Variants in TRIML1 observed in about 807,000 individuals in gnomAD.
TRIML1 encodes probable E3 ubiquitin-protein ligase TRIML1.
In TRIML1, 34 loss-of-function variants were observed where a neutral mutation model predicts 32.3. The ratio of observed to expected loss-of-function variants is 1.05; its 90% CI spans 0.80 to 1.40. The LOEUF (loss-of-function observed/expected upper bound fraction) is 1.40, where lower values mean the gene tolerates loss of function less well. Among genes scored for constraint, TRIML1 ranks in the 40% most tolerant of loss-of-function variants. The probability of loss-of-function intolerance (pLI) is 0.00; values close to 1 mark genes in which losing one functional copy is unlikely to be tolerated. For missense variants in TRIML1, 595 were observed against 574.9 expected (o/e 1.03, Z -0.36); for synonymous variants, 244 against 226.6 (o/e 1.08, Z -0.69).
chr4:188,144,508 G>T (rs533750670), intron 5 of TRIML1, among the ~76,000 whole-genome samples: 9 of 143,610 alleles, frequency 6.3e-5, no homozygotes, highest in East Asian at 2.1e-4. Flanking sequence ...GACTACAGGC[G>T]CCCGCCACCA....
At chr4:188,141,539 T>C (rs1459839255) in intron 2 of TRIML1, among the ~76,000 whole-genome samples, 2 of 152,200 alleles carry the variant, frequency 1.3e-5, no homozygotes, top group African/African-American at 2.4e-5. Flanking sequence ...TGACACCTAC[T>C]TTCATTGAAT....
In TRIML1 at chr4:188,147,044, ACT is replaced by A. The variant is rs760145746; in HGVS notation, c.1082_1083del (p.Ser361CysfsTer25). On this transcript the variant is annotated frameshift_variant, in exon 6 of 6. Coordinates refer to ENST00000332517, the MANE Select transcript of TRIML1 (RefSeq NM_178556.5). LOFTEE classifies it low-confidence loss of function (END_TRUNC). ...GAGTGGGAAGTGGGCATCTGCAAGGACTCTGTGAGCAGAAAGGGGAATCTCCC... is the reference window on the plus strand; with the variant it reads ...GAGTGGGAAGTGGGCATCTGCAAGGACTGTGAGCAGAAAGGGGAATCTCCC... The A allele has an allele frequency of 2.5e-6, 4 of 1,612,084 alleles. No individual in the cohort carries two copies. Among genetic ancestry groups the A allele is most frequent in the South Asian group, 1.1e-5 (1 of 90,864 alleles).
chr4:188,141,982 C>T (rs1366434437), intron 2 of TRIML1, among the ~76,000 whole-genome samples: 1 of 151,812 alleles, frequency 6.6e-6, no homozygotes, highest in East Asian at 1.9e-4. Flanking sequence ...CGTGGTGGCA[C>T]ACTCCTAGAC....
chr4:188,148,328 T>A (rs1735160404), downstream of TRIML1, among the ~76,000 whole-genome samples: 1 of 150,256 alleles, frequency 6.7e-6, no homozygotes, highest in Admixed American at 6.6e-5. Flanking sequence ...ACCCCTTCTC[T>A]ACTAAAAATA....
rs779363974 is a variant in TRIML1, at chr4:188,139,880, G to A, written c.322G>A (p.Asp108Asn). 1.9e-6 allele frequency: 3 copies of A among 1,613,866 alleles called. No homozygotes were observed. The highest frequency in any genetic ancestry group is 1.3e-5 in the African/African-American group (1 of 75,046). The change falls in exon 1 of 6, where the codon GAC (aspartate) becomes AAC (asparagine). Residue 108 changes from aspartate (D) to asparagine (N), a missense_variant. By Grantham distance (23) the Asp-to-Asn change is conservative. Transcript: ENST00000332517. Reference protein sequence around the residue: ...MPTTAKALSDDEQGGSAFVAQ... With the variant: ...MPTTAKALSDNEQGGSAFVAQ... Reference sequence around the variant, plus strand: ...CACCACTGCCAAGGCGCTCTCCGATGACGAGCAGGGTGGAAGCGCCTTCGT... The same window carrying A: ...CACCACTGCCAAGGCGCTCTCCGATAACGAGCAGGGTGGAAGCGCCTTCGT...
intron 5 of TRIML1, 71 bp from the exon 6 acceptor site, chr4:188,146,751 T>G (rs1212385953): frequency 5.9e-6 from 7 of 1,196,340 alleles, no homozygotes; most frequent in Admixed American, 3.0e-5. Flanking sequence ...AAGAATTCAA[T>G]GGAAATCTCA....
upstream of TRIML1, among the ~76,000 whole-genome samples, chr4:188,138,885 A>G (rs1734745759): frequency 6.6e-6 from 1 of 152,076 alleles, no homozygotes; most frequent in South Asian, 2.1e-4. Flanking sequence ...CTGGCAATTC[A>G]TCGTGCGCCT....
In TRIML1 at chr4:188,145,457, AAAAAAAAAAAAAAAAAAAAG is replaced by A. The variant is rs1343124625; in HGVS notation, c.856+1325_856+1344del. 3.4e-3 allele frequency among the ~76,000 whole-genome samples: 234 copies of A among 68,378 alleles called. 7 individuals carry two copies. Among genetic ancestry groups the A allele is most frequent in the Admixed American group, 8.0e-3 (34 of 4,236 alleles). 44.9% of individuals were successfully genotyped at this position (68,378 alleles called of 152,430 possible). ...ACTCCGTCTCAAAAAAAAAAAAAAA[AAAAAAAAAAAAAAAAAAAAG>A]TCAGAAATGGAATGACTGGGGTACC... is the stretch of plus-strand genomic sequence containing the variant. On this transcript the variant is annotated intron_variant, in intron 5 of 5. Transcript: ENST00000332517.
In TRIML1 at chr4:188,143,860, G is replaced by T. The variant is rs1378051472; in HGVS notation, c.758G>T (p.Arg253Met). ...SLEEVRGALE[R>M]SEPLLLQCPE... The stretch of plus-strand genomic sequence containing the variant: ...TAGGAAGTGAGAGGAGCCCTGGAAA[G>T]GTAGGCTTTCATTCTGTGTTCAGTT... The change falls in exon 4 of 6, where the codon AGG becomes ATG. Residue 253 changes from arginine to methionine, a missense_variant and splice_region_variant. By Grantham distance (91) the Arg-to-Met change is moderately conservative. Coordinates refer to ENST00000332517, the MANE Select transcript of TRIML1 (RefSeq NM_178556.5). 22 of 1,614,074 alleles carry T rather than the reference G, an allele frequency of 1.4e-5. No individual in the cohort carries two copies. The highest frequency in any genetic ancestry group is 1.9e-5 in the Non-Finnish European group (22 of 1,180,046).
chr4:188,139,967 G>A lies in TRIML1; in HGVS notation c.408+1G>A. The A allele has an allele frequency of 1.3e-6, 2 of 1,597,526 alleles. No individual in the cohort carries two copies. Among genetic ancestry groups the A allele is most frequent in the Non-Finnish European group, 1.7e-6 (2 of 1,169,720 alleles). The stretch of plus-strand genomic sequence containing the variant: ...CAGCGAGGCTGAGGAGCATCACAGA[G>A]TAAGACAGCTGCTCAGCATGAACCC... On this transcript the variant is annotated splice_donor_variant, in intron 1 of 5. Transcript: ENST00000332517. LOFTEE classifies it high-confidence loss of function.
At chr4:188,142,956 G>A (rs2111230319) in intron 3 of TRIML1, 1 of 156,340 alleles carries the variant, frequency 6.4e-6, no homozygotes, top group Middle Eastern at 3.4e-3. Context: ...CTGCCCGCCT[G>A]ATAGTTAATA....
intron 5 of TRIML1, among the ~76,000 whole-genome samples, chr4:188,146,502 T>C (rs761206598): frequency 3.3e-5 from 5 of 152,166 alleles, no homozygotes; most frequent in Non-Finnish European, 5.9e-5. Context: ...CTCCACCTCC[T>C]GGGTTCAAGC....
chr4:188,138,603 A>T (rs1447271014), upstream of TRIML1, among the ~76,000 whole-genome samples: 1 of 152,102 alleles, frequency 6.6e-6, no homozygotes. Context: ...CTAGGCATTT[A>T]CTTTTTCATA....
rs938595811 is a variant in TRIML1 at position 188,140,056 on chromosome 4, C to G, written c.408+90C>G. 9 of 1,385,270 alleles carry G rather than the reference C, an allele frequency of 6.5e-6. No individual in the cohort carries two copies. The African/African-American group carries it at 8.7e-5, about 13-fold the overall frequency. The allele number at this position is 1,385,270 out of a possible 1,614,324, so 85.8% of individuals were successfully genotyped here. On this transcript the variant is annotated intron_variant, in intron 1 of 5. Transcript: ENST00000332517. ...GTTTCCTAACGTCCTCTGTGGGGGA[C>G]AGTCACGAGGGCCCATCTGAGCACC... is the stretch of plus-strand genomic sequence containing the variant.
In TRIML1 at chr4:188,146,701, C is replaced by T. The variant is rs1291936070; in HGVS notation, c.857-121C>T. 3.7e-6 allele frequency: 3 copies of T among 802,186 alleles called. No homozygotes were observed. In the African/African-American group the frequency reaches 5.3e-5, roughly 14 times the overall value. The allele number at this position is 802,186 out of a possible 1,614,324, so 49.7% of individuals were successfully genotyped here. A position where few individuals can be genotyped will look rare whatever the true frequency, so the allele number is the denominator to read the frequency against. The stretch of plus-strand genomic sequence containing the variant: ...GCATTACAGGCGCGAGCCATCACGC[C>T]CGGCCCCAAATTACATTTAAAAAAC... On this transcript the variant is annotated intron_variant, in intron 5 of 5. Transcript: ENST00000332517.
chr4:188,141,635 G>A (rs1444827370), intron 2 of TRIML1, among the ~76,000 whole-genome samples: 1 of 151,916 alleles, frequency 6.6e-6, no homozygotes, highest in Non-Finnish European at 1.5e-5. Flanking sequence ...ATCACTACTT[G>A]TCATATTTCT....
intron 4 of TRIML1, 73 bp from the exon 5 acceptor site, chr4:188,143,963 A>G: frequency 1.2e-6 from 2 of 1,605,496 alleles, no homozygotes; most frequent in Middle Eastern, 1.7e-4. Flanking sequence ...TGGGGGAGAA[A>G]TGAGGTGGAC....
rs139587449 is a variant in TRIML1, at chr4:188,145,175, C to T, written c.856+1042C>T. Among the ~76,000 whole-genome samples the T allele has an allele frequency of 8.7e-3, 1,325 of 152,056 alleles. 24 individuals carry two copies. Among genetic ancestry groups the T allele is most frequent in the African/African-American group, 0.03 (1,236 of 41,494 alleles). On this transcript the variant is annotated intron_variant, in intron 5 of 5. Coordinates refer to ENST00000332517, the MANE Select transcript of TRIML1 (RefSeq NM_178556.5). The stretch of plus-strand genomic sequence containing the variant: ...GATTGGGGCCGGGTGCGGTGGCTCA[C>T]GCTTGTAATCCCAGCACTTTGGGAG...
chr4:188,144,526 G>A (rs7693618), intron 5 of TRIML1, among the ~76,000 whole-genome samples: 7 of 125,434 alleles, frequency 5.6e-5, no homozygotes, highest in South Asian at 5.6e-4. Context: ...CCACGCCTGG[G>A]TAATTTTTTG....
Sources: allele counts gnomAD v4.1 joint callset (sites outside exome capture counted in the v4.1 genomes callset), GRCh38; gene constraint gnomAD v4.1.1; transcripts MANE v1.5; gene names NCBI Gene and HGNC (gene_info 2026-07-23, HGNC 2026-07-21).